DACH1: variants seen among roughly 807,000 people sequenced by gnomAD.
The protein encoded by DACH1 is dachshund family transcription factor 1.
In DACH1, 12 loss-of-function variants were observed where a neutral mutation model predicts 54.2. The ratio of observed to expected loss-of-function variants is 0.22; its 90% CI spans 0.14 to 0.36. The LOEUF is 0.36. Among genes scored for constraint, DACH1 ranks in the 10% least tolerant of loss-of-function variants. DACH1 has a pLI of 1.00. For missense variants in DACH1, 805 were observed against 929.8 expected, an observed-to-expected ratio of 0.87 and a Z score of 1.75; for synonymous variants, 386 against 366.2, an observed-to-expected ratio of 1.05 and a Z score of -0.62.
At chr13:71,562,781 A>C (rs1371156284) in intron 4 of DACH1, among the ~76,000 whole-genome samples, 1 of 152,078 alleles carries the variant, frequency 6.6e-6, no homozygotes, top group Non-Finnish European at 1.5e-5. Flanking sequence ...AATTACCCTA[A>C]ACTATAAAGA....
chr13:71,645,112 T>G (rs1878175966), intron 2 of DACH1, among the ~76,000 whole-genome samples: 1 of 152,184 alleles, frequency 6.6e-6, no homozygotes, highest in Non-Finnish European at 1.5e-5. Context: ...GTAGAGGGTT[T>G]TAGAATCAAC....
chr13:71,781,872 C>G (rs909932196), intron 1 of DACH1, among the ~76,000 whole-genome samples: 4 of 152,156 alleles, frequency 2.6e-5, no homozygotes, highest in African/African-American at 9.7e-5. Flanking sequence ...CTGACACACA[C>G]TACACAAAAG....
At chr13:71,633,573 A>C (rs1405832341) in intron 2 of DACH1, among the ~76,000 whole-genome samples, 1 of 151,580 alleles carries the variant, frequency 6.6e-6, no homozygotes, top group Non-Finnish European at 1.5e-5. Context: ...TTTCTAATAC[A>C]AAGTCCAAAA....
intron 2 of DACH1, among the ~76,000 whole-genome samples, chr13:71,653,980 G>A (rs59000886): frequency 0.01 from 1,576 of 152,156 alleles, 35 homozygotes; most frequent in African/African-American, 0.036. Context: ...TATAGTCAGC[G>A]TTCTGTTAAT....
At chr13:71,745,239 C>T (rs1398720887) in intron 1 of DACH1, among the ~76,000 whole-genome samples, 1 of 152,116 alleles carries the variant, frequency 6.6e-6, no homozygotes, top group Admixed American at 6.5e-5. Context: ...TAGTTTTCCC[C>T]TTCTTTTCTT....
At chr13:71,585,406 G>C (rs1197557586) in intron 3 of DACH1, among the ~76,000 whole-genome samples, 1 of 152,142 alleles carries the variant, frequency 6.6e-6, no homozygotes, top group East Asian at 1.9e-4. Flanking sequence ...AGCAAAGGAA[G>C]CTGAGGTTCA....
intron 1 of DACH1, among the ~76,000 whole-genome samples, chr13:71,699,960 T>C (rs183744812): frequency 2.6e-5 from 4 of 152,338 alleles, no homozygotes; most frequent in African/African-American, 9.6e-5. Context: ...CATTTCTGAG[T>C]CTGAATTGCT....
intron 2 of DACH1, among the ~76,000 whole-genome samples, chr13:71,657,317 C>T (rs1234742349): frequency 6.6e-6 from 1 of 151,644 alleles, no homozygotes; most frequent in Non-Finnish European, 1.5e-5. Flanking sequence ...ACAGTGTGAC[C>T]TTATCTCTAT....
chr13:71,813,225 T>C (rs954813346), intron 1 of DACH1, among the ~76,000 whole-genome samples: 2 of 152,180 alleles, frequency 1.3e-5, no homozygotes, highest in African/African-American at 4.8e-5. Context: ...GAACTATTAT[T>C]TATAGAGCTC....
chr13:71,483,733 A>G (rs939849802), intron 7 of DACH1, among the ~76,000 whole-genome samples: 3 of 152,028 alleles, frequency 2.0e-5, no homozygotes, highest in Non-Finnish European at 2.9e-5. Flanking sequence ...CCGCAAGCAT[A>G]TATGATGGTG....
intron 1 of DACH1, among the ~76,000 whole-genome samples, chr13:71,748,880 TTCTTTCTTTCTTTCTTTC>T (rs1566476697): frequency 4.8e-4 from 8 of 16,660 alleles, no homozygotes; most frequent in East Asian, 2.4e-3. Context: ...CTTTCTTTCT[TTCTTTCTTTCTTTCTTTC>T]TCTTTCTTTC....
chr13:71,483,225 T>C (rs1435049459), intron 7 of DACH1, among the ~76,000 whole-genome samples: 1 of 151,638 alleles, frequency 6.6e-6, no homozygotes, highest in East Asian at 1.9e-4. Flanking sequence ...TCATAATATA[T>C]AATTACGATT....
chr13:71,477,943 T>C (rs550608747), intron 8 of DACH1, among the ~76,000 whole-genome samples: 2 of 152,298 alleles, frequency 1.3e-5, no homozygotes, highest in East Asian at 3.9e-4. Flanking sequence ...TGCCCTCTAG[T>C]GGTTAACGAA....
chr13:71,641,467 A>G (rs1350933936), intron 2 of DACH1, among the ~76,000 whole-genome samples: 1 of 152,156 alleles, frequency 6.6e-6, no homozygotes, highest in Non-Finnish European at 1.5e-5. Flanking sequence ...AAGCTCCATC[A>G]TCAACCTACA....
At position 71,482,795 on chromosome 13, in the gene DACH1, T is replaced by G. The variant is rs1878153765; in HGVS notation, c.1723-3479A>C. On this transcript the variant is annotated intron_variant, in intron 7 of 10. Transcript: ENST00000613252. Reference sequence around the variant, plus strand: ...CAATAGTACAGTATCAACTGACAGTTTTTTTTTTTTTTTTTTTTTTTGAGA... The same window carrying G: ...CAATAGTACAGTATCAACTGACAGTGTTTTTTTTTTTTTTTTTTTTTGAGA... 7.1e-4 allele frequency among the ~76,000 whole-genome samples: 5 copies of G among 6,994 alleles called. No homozygotes were observed. In the Non-Finnish European group the frequency reaches 8.3e-3, roughly 12 times the overall value. The allele number at this position is 6,994 out of a possible 152,430, so 4.6% of individuals were successfully genotyped here.
chr13:71,660,009 T>G (rs1303320372), intron 2 of DACH1, among the ~76,000 whole-genome samples: 2 of 152,174 alleles, frequency 1.3e-5, no homozygotes, highest in African/African-American at 2.4e-5. Flanking sequence ...CCATGGTCTA[T>G]AAGAAGAGAA....
rs545619909 is a variant in DACH1, at chr13:71,455,493, T to G, written c.2084-14801A>C. Among the ~76,000 whole-genome samples, 64 of 152,268 alleles carry G rather than the reference T, an allele frequency of 4.2e-4. 1 individual carries two copies. Among genetic ancestry groups the G allele is most frequent in the Middle Eastern group, 3.4e-3 (1 of 294 alleles). On this transcript the variant is annotated intron_variant, in intron 10 of 10. Transcript: ENST00000613252. ...ACAGATTTTCCTTAAAGAGCAATATTATTTCATGATATCTGGTGGCCTTCT... is the reference window on the plus strand; with the variant it reads ...ACAGATTTTCCTTAAAGAGCAATATGATTTCATGATATCTGGTGGCCTTCT...
At chr13:71,820,622 A>C (rs989890796) in intron 1 of DACH1, among the ~76,000 whole-genome samples, 1 of 152,196 alleles carries the variant, frequency 6.6e-6, no homozygotes. Context: ...GTCAAATTAA[A>C]ATATTAATAT....
intron 1 of DACH1, among the ~76,000 whole-genome samples, chr13:71,830,044 T>C (rs1423514974): frequency 6.6e-6 from 1 of 151,908 alleles, no homozygotes; most frequent in Non-Finnish European, 1.5e-5. Flanking sequence ...ATGATATGTT[T>C]TCTACTTATA....
Sources: allele counts gnomAD v4.1 joint callset (sites outside exome capture counted in the v4.1 genomes callset), GRCh38; gene constraint gnomAD v4.1.1; transcripts MANE v1.5; gene names NCBI Gene and HGNC (gene_info 2026-07-23, HGNC 2026-07-21).